Variants in TRPC6 observed in about 807,000 individuals in gnomAD.
TRPC6 encodes the protein short transient receptor potential channel 6.
TRPC6 carries 55 observed loss-of-function variants against 90.7 expected under a neutral mutation model. The observed-to-expected ratio is 0.61, with a 90% CI of 0.49 to 0.76. The LOEUF is 0.76. Ranked by LOEUF, TRPC6 falls within the 30% of genes least tolerant of loss-of-function variation. The probability of loss-of-function intolerance (pLI) is 0.00; values close to 1 mark genes in which losing one functional copy is unlikely to be tolerated. For synonymous variants in TRPC6, 393 were observed against 393.0 expected, an observed-to-expected ratio of 1.00 and a Z score of 0.00; for missense variants, 989 against 1,122.7, an observed-to-expected ratio of 0.88 and a Z score of 1.70.
chr11:101,536,484 C>T (rs1466144275), intron 1 of TRPC6, among the ~76,000 whole-genome samples: 3 of 150,974 alleles, frequency 2.0e-5, no homozygotes, highest in South Asian at 2.1e-4. Flanking sequence ...GTGATACACT[C>T]GCAGGTATAT....
At chr11:101,475,725 C>T (rs1003297700) in intron 6 of TRPC6, among the ~76,000 whole-genome samples, 4 of 151,996 alleles carry the variant, frequency 2.6e-5, no homozygotes, top group African/African-American at 2.4e-5. Flanking sequence ...AGATCATATA[C>T]CATTTGTCTT....
rs140220737 is a variant in TRPC6, at chr11:101,582,629, A to T, written c.170+705T>A. Among the ~76,000 whole-genome samples, 48 of 151,386 alleles carry T rather than the reference A, an allele frequency of 3.2e-4. 2 individuals are homozygous for T. The South Asian group carries it at 5.4e-3, about 17-fold the overall frequency. Reference sequence around the variant, plus strand: ...AGTTACCCACAGCCCAATACAAACGACCCGACGCCCTCACTTCTATAGCCC... The same window carrying T: ...AGTTACCCACAGCCCAATACAAACGTCCCGACGCCCTCACTTCTATAGCCC... On this transcript the variant is annotated intron_variant, in intron 1 of 12. Transcript: ENST00000344327.
chr11:101,576,524 A>G (rs1426396363), intron 1 of TRPC6, among the ~76,000 whole-genome samples: 1 of 152,188 alleles, frequency 6.6e-6, no homozygotes, highest in African/African-American at 2.4e-5. Context: ...TGAGCAGCAT[A>G]CCAAATTTTA....
chr11:101,498,004 G>A (rs948419361), intron 2 of TRPC6, among the ~76,000 whole-genome samples: 1 of 152,156 alleles, frequency 6.6e-6, no homozygotes, highest in Non-Finnish European at 1.5e-5. Flanking sequence ...TAAGTCCTGG[G>A]CACATATTGA....
intron 5 of TRPC6, among the ~76,000 whole-genome samples, chr11:101,482,665 T>C (rs1475909195): frequency 2.0e-5 from 3 of 152,178 alleles, no homozygotes; most frequent in African/African-American, 7.2e-5. Context: ...ATATGAATAG[T>C]ATAATAGCTT....
intron 1 of TRPC6, among the ~76,000 whole-genome samples, chr11:101,532,633 A>T (rs1462966505): frequency 2.6e-5 from 4 of 152,184 alleles, no homozygotes; most frequent in Admixed American, 2.0e-4. Flanking sequence ...TAAAGAGAAG[A>T]GGTCTGATGA....
intron 2 of TRPC6, among the ~76,000 whole-genome samples, chr11:101,495,996 T>C (rs1173055207): frequency 6.6e-6 from 1 of 152,048 alleles, no homozygotes; most frequent in Admixed American, 6.5e-5. Context: ...CTATACAGGC[T>C]TCTGCTTTTG....
At chr11:101,541,891 G>A (rs1420074596) in intron 1 of TRPC6, among the ~76,000 whole-genome samples, 2 of 152,172 alleles carry the variant, frequency 1.3e-5, no homozygotes, top group Non-Finnish European at 1.5e-5. Context: ...CTCAAGCAGA[G>A]AGCCTCCAAC....
At chr11:101,530,810 T>C (rs933769687) in intron 1 of TRPC6, among the ~76,000 whole-genome samples, 3 of 151,894 alleles carry the variant, frequency 2.0e-5, no homozygotes. Flanking sequence ...AGAAAACCAA[T>C]GCATCCACAA....
intron 1 of TRPC6, among the ~76,000 whole-genome samples, chr11:101,573,008 T>TG (rs1555015007): frequency 6.7e-6 from 1 of 149,900 alleles, no homozygotes; most frequent in Non-Finnish European, 1.5e-5. Context: ...AAAGTATAAT[T>TG]AAAAAAAAAA....
At position 101,583,799 on chromosome 11, in the gene TRPC6, G is replaced by A. The variant is rs980165512; in HGVS notation, c.-296C>T. The A allele has an allele frequency of 5.7e-6, 2 of 351,638 alleles. No homozygotes were observed. The highest frequency in any genetic ancestry group is 1.0e-5 in the Non-Finnish European group (2 of 195,628). The allele number at this position is 351,638 out of a possible 1,614,324, so 21.8% of individuals were successfully genotyped here. ...GCGCCCGGGCAGAGAGGGCACAGGC[G>A]GGGCCGCTGGTGGTAGCGAAGCGTA... On this transcript the variant is annotated 5_prime_UTR_variant, in exon 1 of 13. Coordinates refer to ENST00000344327, the MANE Select transcript of TRPC6 (RefSeq NM_004621.6).
intron 1 of TRPC6, among the ~76,000 whole-genome samples, chr11:101,578,558 C>T (rs1591152857): frequency 6.6e-6 from 1 of 152,114 alleles, no homozygotes; most frequent in East Asian, 1.9e-4. Context: ...CCAAAACCCT[C>T]TTGAAGTCAA....
At chr11:101,541,142 G>T (rs1297899195) in intron 1 of TRPC6, among the ~76,000 whole-genome samples, 1 of 152,126 alleles carries the variant, frequency 6.6e-6, no homozygotes, top group African/African-American at 2.4e-5. Flanking sequence ...ACTTTTATGA[G>T]GCTAAAGGAT....
In TRPC6 at chr11:101,474,886, TGA is replaced by T. The variant is rs1565208316; in HGVS notation, c.1745-1115_1745-1114del. Reference sequence around the variant, plus strand: ...GACTTATCTGATTGCTAAATTGGGATGAATAACTGGACATAGTTAGCTCGGCA... The same window carrying T: ...GACTTATCTGATTGCTAAATTGGGATATAACTGGACATAGTTAGCTCGGCA... On this transcript the variant is annotated intron_variant, in intron 6 of 12. Coordinates refer to ENST00000344327, the MANE Select transcript of TRPC6 (RefSeq NM_004621.6). Among the ~76,000 whole-genome samples the T allele has an allele frequency of 2.6e-5, 4 of 152,208 alleles. No individual in the cohort carries two copies. The East Asian group carries it at 5.8e-4, about 22-fold the overall frequency.
At chr11:101,488,508 A>G (rs962508425) in intron 4 of TRPC6, among the ~76,000 whole-genome samples, 1 of 152,210 alleles carries the variant, frequency 6.6e-6, no homozygotes, top group Non-Finnish European at 1.5e-5. Context: ...TTTCATCTCA[A>G]ATTTTGCCAG....
intron 1 of TRPC6, among the ~76,000 whole-genome samples, chr11:101,527,227 T>C (rs1299966119): frequency 6.6e-6 from 1 of 152,228 alleles, no homozygotes; most frequent in East Asian, 1.9e-4. Context: ...ATAGGGTTTC[T>C]TGGTTTGACA....
chr11:101,473,914 G>C (rs1213383776), intron 6 of TRPC6, 141 bp from the exon 7 acceptor site: 1 of 1,137,130 alleles, frequency 8.8e-7, no homozygotes, highest in Non-Finnish European at 1.3e-6. Flanking sequence ...GGCTTCTTAA[G>C]TGTCTGCTAG....
At chr11:101,489,967 A>C (rs183328318) in intron 3 of TRPC6, among the ~76,000 whole-genome samples, 2 of 152,154 alleles carry the variant, frequency 1.3e-5, no homozygotes, top group African/African-American at 4.8e-5. Flanking sequence ...GGAAGAAATA[A>C]GCCCTGTCAC....
At chr11:101,561,146 T>C (rs181497619) in intron 1 of TRPC6, among the ~76,000 whole-genome samples, 23 of 152,286 alleles carry the variant, frequency 1.5e-4, no homozygotes, top group African/African-American at 3.8e-4. Flanking sequence ...CCAATCATTA[T>C]AGCACACTGC....
Sources: allele counts gnomAD v4.1 joint callset (sites outside exome capture counted in the v4.1 genomes callset), GRCh38; gene constraint gnomAD v4.1.1; transcripts MANE v1.5; gene names NCBI Gene and HGNC (gene_info 2026-07-23, HGNC 2026-07-21).